Variants in PTPRK observed in about 807,000 individuals in gnomAD.
PTPRK encodes receptor-type tyrosine-protein phosphatase kappa.
Under a neutral mutation model 178.0 loss-of-function variants are expected in PTPRK, and 75 were observed. The ratio of observed to expected loss-of-function variants is 0.42; its 90% CI spans 0.35 to 0.51. PTPRK has a LOEUF of 0.51. Among genes scored for constraint, PTPRK ranks in the 20% least tolerant of loss-of-function variants. PTPRK has a pLI of 0.02. For synonymous variants in PTPRK, 637 were observed against 620.6 expected (o/e 1.03, Z -0.39); for missense variants, 1,441 against 1,797.8 (o/e 0.80, Z 3.59).
intron 6 of PTPRK, among the ~76,000 whole-genome samples, chr6:128,194,056 T>TTA (rs1228103270): frequency 0.029 from 4,026 of 137,970 alleles, 85 homozygotes; most frequent in Admixed American, 0.057. Context: ...GCAATAATAT[T>TTA]TATATATATA....
intron 3 of PTPRK, among the ~76,000 whole-genome samples, chr6:128,311,510 C>T (rs1193248931): frequency 6.6e-6 from 1 of 152,130 alleles, no homozygotes; most frequent in Non-Finnish European, 1.5e-5. Context: ...CAAGACCCTC[C>T]ATGTGGGCCA....
chr6:127,985,702 C>A lies in PTPRK; in HGVS notation c.3251+19G>T, dbSNP rs775621341. 9 of 1,600,518 alleles carry A rather than the reference C, an allele frequency of 5.6e-6. No homozygotes were observed. The East Asian group carries it at 1.8e-4, about 32-fold the overall frequency. On this transcript the variant is annotated intron_variant, in intron 22 of 29. Coordinates refer to ENST00000368226, the MANE Select transcript of PTPRK (RefSeq NM_002844.4). ...AAAGCTGATTGCATACAGTCAATAC[C>A]ATTTGGACCACCACTTACCTGCAAT...
At chr6:128,470,937 G>A (rs1850568646) in intron 1 of PTPRK, among the ~76,000 whole-genome samples, 1 of 147,150 alleles carries the variant, frequency 6.8e-6, no homozygotes. Context: ...AAAGGAGAGA[G>A]TAAGTCACCA....
intron 3 of PTPRK, among the ~76,000 whole-genome samples, chr6:128,276,241 C>G (rs1562186585): frequency 6.6e-6 from 1 of 151,994 alleles, no homozygotes; most frequent in East Asian, 1.9e-4. Context: ...CTTTATTTGT[C>G]TACTAATAGC....
chr6:128,383,932 T>C (rs1838315490), intron 2 of PTPRK, among the ~76,000 whole-genome samples: 1 of 152,210 alleles, frequency 6.6e-6, no homozygotes, highest in Non-Finnish European at 1.5e-5. Context: ...TTAAATTATT[T>C]CTTAGTCCCA....
intron 1 of PTPRK, among the ~76,000 whole-genome samples, chr6:128,432,295 A>G (rs962354702): frequency 6.6e-6 from 1 of 152,356 alleles, no homozygotes; most frequent in African/African-American, 2.4e-5. Context: ...ACCTGATACA[A>G]TTAAATCTTT....
At chr6:128,303,461 G>A (rs1825935163) in intron 3 of PTPRK, among the ~76,000 whole-genome samples, 1 of 152,166 alleles carries the variant, frequency 6.6e-6, no homozygotes, top group African/African-American at 2.4e-5. Context: ...AACATTTGGA[G>A]ATCATATCCG....
intron 3 of PTPRK, among the ~76,000 whole-genome samples, chr6:128,246,569 T>C (rs759673336): frequency 3.3e-5 from 5 of 152,250 alleles, no homozygotes; most frequent in Non-Finnish European, 5.9e-5. Context: ...TAATCAGCTT[T>C]ATCACTTCAA....
intron 2 of PTPRK, among the ~76,000 whole-genome samples, chr6:128,375,058 C>T (rs1836831221): frequency 7.6e-6 from 1 of 132,286 alleles, no homozygotes; most frequent in Non-Finnish European, 1.6e-5. Context: ...AGAAACACTG[C>T]ATTATTATTA....
At chr6:128,269,248 C>T (rs1034083325) in intron 3 of PTPRK, among the ~76,000 whole-genome samples, 1 of 151,872 alleles carries the variant, frequency 6.6e-6, no homozygotes, top group Non-Finnish European at 1.5e-5. Context: ...ATCCTGTCAT[C>T]AAGAGAAGAT....
chr6:128,260,046 T>G (rs568355739), intron 3 of PTPRK, among the ~76,000 whole-genome samples: 1 of 152,312 alleles, frequency 6.6e-6, no homozygotes, highest in Admixed American at 6.5e-5. Context: ...ACTTTTCATT[T>G]TACTGATGTC....
At chr6:128,292,445 T>C (rs926602186) in intron 3 of PTPRK, among the ~76,000 whole-genome samples, 1 of 152,136 alleles carries the variant, frequency 6.6e-6, no homozygotes, top group Non-Finnish European at 1.5e-5. Context: ...TGCAATTTTA[T>C]CAAAACTAAA....
intron 11 of PTPRK, among the ~76,000 whole-genome samples, chr6:128,078,497 C>T (rs748836476): frequency 2.0e-5 from 3 of 151,722 alleles, no homozygotes; most frequent in East Asian, 1.9e-4. Flanking sequence ...TTCAGTTACC[C>T]GTGTTTCAAT....
chr6:128,143,082 T>C (rs547962680), intron 7 of PTPRK, among the ~76,000 whole-genome samples: 1 of 152,184 alleles, frequency 6.6e-6, no homozygotes, highest in East Asian at 1.9e-4. Flanking sequence ...TTATAACACT[T>C]CTCCCCTTTC....
rs142080749 is a variant in PTPRK, at chr6:128,324,378, T to C, written c.224-2068A>G. ...TGCTTTGTGTCACATTTTAATTATA[T>C]AGCATAATATTTACTATAAAGACCA... On this transcript the variant is annotated intron_variant, in intron 2 of 29. Transcript: ENST00000368226. 1.7e-3 allele frequency among the ~76,000 whole-genome samples: 253 copies of C among 152,256 alleles called. 1 individual carries two copies. The highest frequency in any genetic ancestry group is 5.7e-3 in the African/African-American group (238 of 41,560).
chr6:128,464,618 TACATATATATATATATAC>T (rs1334763384), intron 1 of PTPRK, among the ~76,000 whole-genome samples: 8 of 90,918 alleles, frequency 8.8e-5, no homozygotes, highest in South Asian at 3.9e-4. Context: ...TATATACATA[TACATATATATATATATAC>T]ACATATATAT....
intron 1 of PTPRK, among the ~76,000 whole-genome samples, chr6:128,512,740 ATC>A (rs1187686673): frequency 2.0e-5 from 3 of 152,222 alleles, no homozygotes; most frequent in South Asian, 2.1e-4. Context: ...ACTGACAAGA[ATC>A]TCTGTTCTTA....
chr6:128,348,200 A>G (rs1469686333), intron 2 of PTPRK, among the ~76,000 whole-genome samples: 3 of 152,056 alleles, frequency 2.0e-5, no homozygotes, highest in African/African-American at 7.2e-5. Flanking sequence ...TAAAACACAA[A>G]TAAATTTTCC....
chr6:128,422,653 T>C (rs939677625), intron 1 of PTPRK, among the ~76,000 whole-genome samples: 2 of 79,726 alleles, frequency 2.5e-5, no homozygotes, highest in South Asian at 3.7e-4. Flanking sequence ...GAACTCAAAA[T>C]AGTTTTTAAC....
Sources: allele counts gnomAD v4.1 joint callset (sites outside exome capture counted in the v4.1 genomes callset), GRCh38; gene constraint gnomAD v4.1.1; transcripts MANE v1.5; gene names NCBI Gene and HGNC (gene_info 2026-07-23, HGNC 2026-07-21).